Variants in R3HDM4 observed in about 807,000 individuals in gnomAD.
R3HDM4 encodes R3H domain containing 4.
Under a neutral mutation model 31.3 loss-of-function variants are expected in R3HDM4, and 30 were observed. The ratio of observed to expected loss-of-function variants is 0.96; its 90% CI spans 0.72 to 1.30. The LOEUF is 1.30. Among genes scored for constraint, R3HDM4 ranks in the 50% most tolerant of loss-of-function variants. R3HDM4 has a pLI of 0.00. For synonymous variants in R3HDM4, 196 were observed against 156.6 expected, an observed-to-expected ratio of 1.25 and a Z score of -1.88; for missense variants, 444 against 366.1, an observed-to-expected ratio of 1.21 and a Z score of -1.74.
chr19:908,823 C>A (rs1181801720), intron 1 of R3HDM4, among the ~76,000 whole-genome samples: 2 of 151,918 alleles, frequency 1.3e-5, no homozygotes, highest in Admixed American at 6.6e-5. Context: ...CGGCCCCAGC[C>A]GGCCCGTTTA....
chr19:907,346 C>G lies in R3HDM4; in HGVS notation c.72-5216G>C, dbSNP rs543161827. On this transcript the variant is annotated intron_variant, in intron 1 of 7. Coordinates refer to ENST00000361574, the MANE Select transcript of R3HDM4 (RefSeq NM_138774.4). The surrounding 1 kb of genome is among the most constrained non-coding windows in gnomAD (Gnocchi z 4.1). ...CACTCTGTCCCATGCCCCAGATTCA[C>G]CCACAGCCCCCCCTGAGGCCCCGGG... Among the ~76,000 whole-genome samples, 1 of 152,118 alleles carries G rather than the reference C, an allele frequency of 6.6e-6. No homozygotes were observed. The highest frequency in any genetic ancestry group is 2.4e-5 in the African/African-American group (1 of 41,510).
chr19:910,776 T>C (rs963166089), intron 1 of R3HDM4, among the ~76,000 whole-genome samples: 1 of 151,950 alleles, frequency 6.6e-6, no homozygotes, highest in African/African-American at 2.4e-5. Flanking sequence ...GTGGAGATAA[T>C]AGTGATGATA....
At chr19:909,605 G>A (rs1239317891) in intron 1 of R3HDM4, among the ~76,000 whole-genome samples, 1 of 151,568 alleles carries the variant, frequency 6.6e-6, no homozygotes, top group Non-Finnish European at 1.5e-5. Context: ...AGACCAGCCT[G>A]ACCAACATAG....
chr19:901,912 C>A, intron 2 of R3HDM4, 64 bp downstream of exon 2: 6 of 1,589,388 alleles, frequency 3.8e-6, no homozygotes, highest in Non-Finnish European at 4.3e-6. Context: ...CAGATAACAC[C>A]AATATGCATG....
In R3HDM4 at chr19:897,723, C is replaced by T. The variant is rs890901866; in HGVS notation, c.704-183G>A. 5.9e-5 allele frequency among the ~76,000 whole-genome samples: 9 copies of T among 152,358 alleles called. No individual in the cohort carries two copies. The South Asian group carries it at 1.7e-3, about 28-fold the overall frequency. Reference sequence around the variant, plus strand: ...TCCGGGAGCCTGGCTCACAAGAATACCTAAGGCTCCCTACAGGAGCACTCT... The same window carrying T: ...TCCGGGAGCCTGGCTCACAAGAATATCTAAGGCTCCCTACAGGAGCACTCT... On this transcript the variant is annotated intron_variant, in intron 7 of 7. Transcript: ENST00000361574.
In R3HDM4 at chr19:900,956, G is replaced by C; in HGVS notation, c.352-4C>G. The C allele has an allele frequency of 6.3e-7, 1 of 1,580,546 alleles. No homozygotes were observed. The highest frequency in any genetic ancestry group is 8.6e-7 in the Non-Finnish European group (1 of 1,163,178). On this transcript the variant is annotated splice_polypyrimidine_tract_variant and splice_region_variant and intron_variant, in intron 3 of 7. Coordinates refer to ENST00000361574, the MANE Select transcript of R3HDM4 (RefSeq NM_138774.4). ...GGTTCATGAAATCGTTCCAGACCTG[G>C]AAGAGAGGCAGGGAGGCAGGCTTGC...
chr19:913,057 G>GCCCCCCCCC lies in R3HDM4; in HGVS notation c.71+29_71+30insGGGGGGGGG. On this transcript the variant is annotated intron_variant, in intron 1 of 7. Transcript: ENST00000361574. This position sits in a 1 kb window ranked among gnomAD's most constrained non-coding sequence, Gnocchi z 5.0. Reference sequence around the variant, plus strand: ...GGAGGGAGCCCAGCCCGCCCCCGGCGCCCGCCGCGCCCCGCCCGCCCGCGC... The same window carrying GCCCCCCCCC: ...GGAGGGAGCCCAGCCCGCCCCCGGCGCCCCCCCCCCCCGCCGCGCCCCGCCCGCCCGCGC... 2 of 875,500 alleles carry GCCCCCCCCC rather than the reference G, an allele frequency of 2.3e-6. No individual in the cohort carries two copies. The highest frequency in any genetic ancestry group is 2.8e-6 in the Non-Finnish European group (2 of 717,758). 54.2% of individuals were successfully genotyped at this position (875,500 alleles called of 1,614,324 possible). A position where few individuals can be genotyped will look rare whatever the true frequency, so the allele number is the denominator to read the frequency against.
intron 1 of R3HDM4, among the ~76,000 whole-genome samples, chr19:903,944 G>A (rs1049314066): frequency 2.6e-5 from 4 of 152,050 alleles, no homozygotes; most frequent in Admixed American, 6.6e-5. Context: ...CCAGCTACTC[G>A]GGAGGCTGAG....
rs2036841690 is a variant in R3HDM4, at chr19:901,850, A to C, written c.226+126T>G. 2.5e-6 allele frequency: 3 copies of C among 1,178,912 alleles called. No individual in the cohort carries two copies. In the African/African-American group the frequency reaches 4.6e-5, roughly 18 times the overall value. The allele number at this position is 1,178,912 out of a possible 1,614,324, so 73.0% of individuals were successfully genotyped here. A position where few individuals can be genotyped will look rare whatever the true frequency, so the allele number is the denominator to read the frequency against. ...TATATGGTCCCCCGGCCTACAGCTG[A>C]CACCTCTTTGGGTCCCCAGCCCCAC... is the stretch of plus-strand genomic sequence containing the variant. On this transcript the variant is annotated intron_variant, in intron 2 of 7. Coordinates refer to ENST00000361574, the MANE Select transcript of R3HDM4 (RefSeq NM_138774.4).
chr19:912,245 A>AG (rs1452644215), intron 1 of R3HDM4, among the ~76,000 whole-genome samples: 1 of 5,182 alleles, frequency 1.9e-4, no homozygotes, highest in African/African-American at 1.0e-3. Flanking sequence ...GGCCCCGGGG[A>AG]GGTGGGGGGG....
chr19:907,526 T>C lies in R3HDM4; in HGVS notation c.72-5396A>G, dbSNP rs1382259466. 2.6e-5 allele frequency among the ~76,000 whole-genome samples: 4 copies of C among 152,004 alleles called. No homozygotes were observed. Among genetic ancestry groups the C allele is most frequent in the Non-Finnish European group, 4.4e-5 (3 of 67,962 alleles). On this transcript the variant is annotated intron_variant, in intron 1 of 7. Coordinates refer to ENST00000361574, the MANE Select transcript of R3HDM4 (RefSeq NM_138774.4). This position sits in a 1 kb window ranked among gnomAD's most constrained non-coding sequence, Gnocchi z 4.1. ...ATCACCCCATATTACAGATGAAGGA[T>C]CTGAGGCTTGGAGAGGTGGGGCTGT...
chr19:910,936 G>A (rs990830957), intron 1 of R3HDM4, among the ~76,000 whole-genome samples: 1 of 151,492 alleles, frequency 6.6e-6, no homozygotes, highest in African/African-American at 2.4e-5. Context: ...TGGCTCACAC[G>A]GCAAAACCCC....
chr19:910,992 G>A (rs919697135), intron 1 of R3HDM4, among the ~76,000 whole-genome samples: 1 of 151,778 alleles, frequency 6.6e-6, no homozygotes, highest in East Asian at 1.9e-4. Context: ...GCGGTGGCGG[G>A]CACCTGTAGT....
At chr19:903,228 GCC>G (rs11333484) in intron 1 of R3HDM4, among the ~76,000 whole-genome samples, 1 of 149,144 alleles carries the variant, frequency 6.7e-6, no homozygotes, top group South Asian at 2.1e-4. Flanking sequence ...TGATGCCTCA[GCC>G]CCCCCCGCAA....
rs1273351955 is a variant in R3HDM4 at position 907,107 on chromosome 19, G to A, written c.72-4977C>T. Among the ~76,000 whole-genome samples the A allele has an allele frequency of 2.6e-5, 4 of 152,118 alleles. No homozygotes were observed. Among genetic ancestry groups the A allele is most frequent in the Non-Finnish European group, 4.4e-5 (3 of 68,016 alleles). On this transcript the variant is annotated intron_variant, in intron 1 of 7. Coordinates refer to ENST00000361574, the MANE Select transcript of R3HDM4 (RefSeq NM_138774.4). The surrounding 1 kb of genome is among the most constrained non-coding windows in gnomAD (Gnocchi z 4.1). ...TGGGATTACAGGCATGAGCTACCAC[G>A]CCCGGCCCTCATTATACAGATTTGT...
intron 1 of R3HDM4, among the ~76,000 whole-genome samples, chr19:905,763 GCA>G (rs2036896331): frequency 6.6e-6 from 1 of 151,590 alleles, no homozygotes; most frequent in African/African-American, 2.4e-5. Flanking sequence ...CAGATAAACA[GCA>G]CAGTCTCCAC....
Position 899,612 on chromosome 19 carries a change from C to A in R3HDM4, c.636G>T (p.Met212Ile), listed in dbSNP as rs146261054. The A allele has an allele frequency of 1.9e-6, 3 of 1,612,410 alleles. No homozygotes were observed. The African/African-American group carries it at 4.0e-5, about 22-fold the overall frequency. The change falls in exon 6 of 8, where the codon ATG (methionine) becomes ATT (isoleucine). Residue 212 changes from methionine to isoleucine, a missense_variant. Coordinates refer to ENST00000361574, the MANE Select transcript of R3HDM4 (RefSeq NM_138774.4). The surrounding 1 kb of genome is among the most constrained non-coding windows in gnomAD (Gnocchi z 6.8). ...SVSPQAVYTA[M>I]LDNSFERLLL... is the part of the protein sequence containing the mutation. ...CCGCCCCCCCTTACCTGTTGTCTAG[C>A]ATTGCTGTGTACACGGCCTGGGGGG...
At chr19:904,248 A>G (rs1748695035) in intron 1 of R3HDM4, among the ~76,000 whole-genome samples, 1 of 151,898 alleles carries the variant, frequency 6.6e-6, no homozygotes, top group Non-Finnish European at 1.5e-5. Flanking sequence ...CTTCCAAGAC[A>G]CGATTTCCCG....
intron 1 of R3HDM4, among the ~76,000 whole-genome samples, chr19:903,325 C>T (rs879812891): frequency 3.3e-5 from 5 of 151,890 alleles, no homozygotes; most frequent in Admixed American, 1.3e-4. Flanking sequence ...TCGGCCTGGC[C>T]GGAGCAAATG....
Sources: allele counts gnomAD v4.1 joint callset (sites outside exome capture counted in the v4.1 genomes callset), GRCh38; gene constraint gnomAD v4.1.1; non-coding constraint Gnocchi (gnomAD v3.1); transcripts MANE v1.5; gene names NCBI Gene and HGNC (gene_info 2026-07-23, HGNC 2026-07-21).